The following KSR2 variants were observed in gnomAD, a reference collection of about 807,000 sequenced individuals.
KSR2 encodes the protein kinase suppressor of ras 2.
KSR2 carries 25 observed loss-of-function variants against 107.8 expected under a neutral mutation model. The ratio of observed to expected loss-of-function variants is 0.23; its 90% CI spans 0.17 to 0.32. The LOEUF (loss-of-function observed/expected upper bound fraction) is 0.32, where lower values mean the gene tolerates loss of function less well. Ranked by LOEUF, KSR2 falls within the 10% of genes least tolerant of loss-of-function variation. The probability of loss-of-function intolerance (pLI) is 1.00; values close to 1 mark genes in which losing one functional copy is unlikely to be tolerated. For synonymous variants in KSR2, 480 were observed against 507.0 expected (o/e 0.95, Z 0.71); for missense variants, 887 against 1,268.9 (o/e 0.70, Z 4.57).
chr12:117,588,840 G>A (rs1449008491), intron 5 of KSR2, among the ~76,000 whole-genome samples: 1 of 152,206 alleles, frequency 6.6e-6, no homozygotes, highest in Non-Finnish European at 1.5e-5. Flanking sequence ...AAATATCAGT[G>A]CCCACTGTAC....
At chr12:117,595,553 C>T (rs538423232) in intron 5 of KSR2, among the ~76,000 whole-genome samples, 42 of 151,860 alleles carry the variant, frequency 2.8e-4, no homozygotes, top group African/African-American at 8.9e-4. Context: ...TTAGTAGAGA[C>T]GGGGTTTCAC....
intron 9 of KSR2, among the ~76,000 whole-genome samples, chr12:117,547,181 C>T (rs1205855595): frequency 6.6e-6 from 1 of 152,182 alleles, no homozygotes; most frequent in African/African-American, 2.4e-5. Flanking sequence ...TACTGCCTTG[C>T]TATTGCCAGG....
chr12:117,495,596 C>T (rs1203987932), intron 14 of KSR2, among the ~76,000 whole-genome samples: 2 of 152,220 alleles, frequency 1.3e-5, no homozygotes, highest in African/African-American at 4.8e-5. Flanking sequence ...CAGAGCCTAG[C>T]TGCCCACGAG....
intron 1 of KSR2, among the ~76,000 whole-genome samples, chr12:117,875,760 C>T (rs1260906747): frequency 2.0e-5 from 3 of 152,154 alleles, no homozygotes; most frequent in Admixed American, 6.5e-5. Flanking sequence ...GCCCAAGCTC[C>T]TCTCAATGCC....
chr12:117,769,612 G>A (rs1457386638), intron 3 of KSR2, among the ~76,000 whole-genome samples: 1 of 152,192 alleles, frequency 6.6e-6, no homozygotes, highest in Non-Finnish European at 1.5e-5. Context: ...AGAGCATTTA[G>A]CTTCATTCCC....
chr12:117,903,743 T>C (rs1403400774), intron 1 of KSR2, among the ~76,000 whole-genome samples: 2 of 152,204 alleles, frequency 1.3e-5, no homozygotes, highest in Non-Finnish European at 2.9e-5. Context: ...CTGTGGCTCA[T>C]GACTGTAATC....
At chr12:117,927,086 C>A (rs1178544575) in intron 1 of KSR2, among the ~76,000 whole-genome samples, 2 of 152,072 alleles carry the variant, frequency 1.3e-5, no homozygotes, top group Non-Finnish European at 2.9e-5. Context: ...AAAAAAAGGA[C>A]CATGGCCGGG....
chr12:117,628,088 A>G (rs1298709137), intron 5 of KSR2, among the ~76,000 whole-genome samples: 2 of 152,180 alleles, frequency 1.3e-5, no homozygotes, highest in Non-Finnish European at 2.9e-5. Context: ...TGTTTATTCT[A>G]GTTAGCCATT....
chr12:117,482,944 G>A (rs748183537), intron 16 of KSR2, among the ~76,000 whole-genome samples: 62 of 152,290 alleles, frequency 4.1e-4, no homozygotes, highest in East Asian at 9.6e-4. Flanking sequence ...CCAACATTGC[G>A]TCCTTGCAGT....
chr12:117,734,749 C>G (rs12231765), intron 4 of KSR2, among the ~76,000 whole-genome samples: 109,829 of 148,610 alleles, frequency 0.74, 42,240 homozygotes, highest in South Asian at 0.91. Context: ...TGCATGCATG[C>G]ATGCATGGAT....
intron 3 of KSR2, among the ~76,000 whole-genome samples, chr12:117,840,256 C>A (rs922397628): frequency 6.6e-6 from 1 of 152,094 alleles, no homozygotes; most frequent in African/African-American, 2.4e-5. Flanking sequence ...CACCACAACG[C>A]CTGGCTAATT....
chr12:117,503,889 C>T (rs940868712), intron 14 of KSR2, among the ~76,000 whole-genome samples: 2 of 152,144 alleles, frequency 1.3e-5, no homozygotes, highest in African/African-American at 4.8e-5. Flanking sequence ...CCATAATAAA[C>T]ATCACTATTT....
Position 117,525,287 on chromosome 12 carries a change from C to T in KSR2, c.1852-68G>A, listed in dbSNP as rs1875048755. ...TGCCCCAGCCTCCCTCATGGTCCTG[C>T]TGGGTCCCGTGCACATGCGTAGGTC... On this transcript the variant is annotated intron_variant, in intron 13 of 19. Coordinates refer to ENST00000339824, the MANE Select transcript of KSR2 (RefSeq NM_173598.6). 6 of 1,489,120 alleles carry T rather than the reference C, an allele frequency of 4.0e-6. No individual in the cohort carries two copies. In the South Asian group the frequency reaches 6.8e-5, roughly 17 times the overall value. The allele number at this position is 1,489,120 out of a possible 1,614,324, so 92.2% of individuals were successfully genotyped here.
intron 1 of KSR2, among the ~76,000 whole-genome samples, chr12:117,912,442 C>G (rs190854911): frequency 6.6e-6 from 1 of 152,308 alleles, no homozygotes; most frequent in Non-Finnish European, 1.5e-5. Flanking sequence ...GTACAGCAGA[C>G]CTTTGCCAGT....
In KSR2 at chr12:117,795,897, C is replaced by T. The variant is rs564406012; in HGVS notation, c.473-34373G>A. On this transcript the variant is annotated intron_variant, in intron 3 of 19. Coordinates refer to ENST00000339824, the MANE Select transcript of KSR2 (RefSeq NM_173598.6). ...AAGCGCCAGGACTACAGACATGAGC[C>T]GCCACATCTGGCCAAAGCCTGTGTT... Among the ~76,000 whole-genome samples the T allele has an allele frequency of 6.6e-5, 10 of 151,870 alleles. No homozygotes were observed. In the East Asian group the frequency reaches 9.7e-4, roughly 15 times the overall value.
intron 4 of KSR2, among the ~76,000 whole-genome samples, chr12:117,710,749 G>C (rs1192159513): frequency 1.3e-5 from 2 of 152,042 alleles, no homozygotes; most frequent in African/African-American, 4.8e-5. Context: ...TTAAATAAAC[G>C]GTCAGTACTA....
intron 17 of KSR2, among the ~76,000 whole-genome samples, chr12:117,474,526 G>A (rs1871656955): frequency 6.6e-6 from 1 of 151,974 alleles, no homozygotes; most frequent in Non-Finnish European, 1.5e-5. Context: ...CTGCAGGCCT[G>A]CAACTTTCCC....
rs1248115347 is a variant in KSR2 at position 117,453,938 on chromosome 12, G to C, written c.*13261C>G. 1 of 152,034 alleles carries C rather than the reference G, an allele frequency of 6.6e-6. No homozygotes were observed. The highest frequency in any genetic ancestry group is 1.9e-4 in the East Asian group (1 of 5,200). 9.4% of individuals were successfully genotyped at this position (152,034 alleles called of 1,614,324 possible). A position where few individuals can be genotyped will look rare whatever the true frequency, so the allele number is the denominator to read the frequency against. On this transcript the variant is annotated 3_prime_UTR_variant, in exon 20 of 20. Transcript: ENST00000339824. ...TGCCAGAGACTCTCTCACATCCTAAGAGACCTCTGCCTTGTAGACGGGGGG... is the reference window on the plus strand; with the variant it reads ...TGCCAGAGACTCTCTCACATCCTAACAGACCTCTGCCTTGTAGACGGGGGG...
chr12:117,651,840 C>T (rs1429267907), intron 5 of KSR2, among the ~76,000 whole-genome samples: 2 of 152,158 alleles, frequency 1.3e-5, no homozygotes, highest in African/African-American at 4.8e-5. Flanking sequence ...CTTTGAAGAG[C>T]CCTGTAATTG....
Sources: gnomAD v4.1 joint callset for allele counts (sites outside exome capture counted in the v4.1 genomes callset) on GRCh38, gnomAD v4.1.1 for gene constraint, MANE v1.5 for transcripts, NCBI Gene and HGNC (gene_info 2026-07-23, HGNC 2026-07-21) for gene names.